Variants in EPB41L3 observed in about 807,000 individuals in gnomAD.
EPB41L3 encodes band 4.1-like protein 3.
In EPB41L3, 57 loss-of-function variants were observed where a neutral mutation model predicts 127.1. The ratio of observed to expected loss-of-function variants is 0.45; its 90% CI spans 0.36 to 0.56. EPB41L3 has a LOEUF of 0.56. EPB41L3 is among the 20% of genes least tolerant of loss of function. The probability of loss-of-function intolerance (pLI) is 0.00; values close to 1 mark genes in which losing one functional copy is unlikely to be tolerated. For missense variants in EPB41L3, 1,273 were observed against 1,372.2 expected (o/e 0.93, Z 1.14); for synonymous variants, 572 against 549.5 (o/e 1.04, Z -0.57).
At chr18:5,541,279 T>TAAAAAAAAA (rs2093723780) in intron 1 of EPB41L3, among the ~76,000 whole-genome samples, 1 of 73,822 alleles carries the variant, frequency 1.4e-5, no homozygotes, top group Non-Finnish European at 2.9e-5. Flanking sequence ...AAAAAAAAAG[T>TAAAAAAAAA]CTCTCTCTTC....
intron 1 of EPB41L3, among the ~76,000 whole-genome samples, chr18:5,532,349 T>C (rs2093438032): frequency 1.3e-5 from 2 of 152,182 alleles, no homozygotes; most frequent in South Asian, 2.1e-4. Flanking sequence ...GCCAGGTTCA[T>C]AACAAGCATT....
intron 1 of EPB41L3, among the ~76,000 whole-genome samples, chr18:5,503,193 TCTTAA>T (rs1215999638): frequency 5.3e-5 from 8 of 152,220 alleles, no homozygotes; most frequent in African/African-American, 9.6e-5. Flanking sequence ...CATTCTACTG[TCTTAA>T]CTTAGTTTTT....
intron 2 of EPB41L3, among the ~76,000 whole-genome samples, chr18:5,478,964 T>C (rs2087824445): frequency 3.9e-5 from 6 of 152,252 alleles, no homozygotes; most frequent in Admixed American, 3.9e-4. Context: ...TAGCTCTCAA[T>C]CAATTCAATG....
chr18:5,503,536 G>A (rs952528530), intron 1 of EPB41L3, among the ~76,000 whole-genome samples: 13 of 152,222 alleles, frequency 8.5e-5, no homozygotes, highest in Admixed American at 6.5e-4. Context: ...AGCCTGGAAT[G>A]AGAGTGGTGA....
intron 3 of EPB41L3, among the ~76,000 whole-genome samples, chr18:5,564,569 C>G (rs1215777080): frequency 6.6e-6 from 1 of 152,128 alleles, no homozygotes. Flanking sequence ...GAGAGGGGAT[C>G]AAGGCACAGG....
At chr18:5,577,245 A>C in intron 3 of EPB41L3, 1 of 325,480 alleles carries the variant, frequency 3.1e-6, no homozygotes, top group South Asian at 2.5e-5. Flanking sequence ...TTTTGTTTAA[A>C]TATGTATCCA....
At chr18:5,540,862 A>C (rs1456780603) in intron 1 of EPB41L3, among the ~76,000 whole-genome samples, 1 of 152,036 alleles carries the variant, frequency 6.6e-6, no homozygotes, top group Non-Finnish European at 1.5e-5. Flanking sequence ...AGACGGGTGG[A>C]TCACGAGGTC....
intron 3 of EPB41L3, among the ~76,000 whole-genome samples, chr18:5,468,974 G>A (rs896773239): frequency 6.6e-6 from 1 of 151,876 alleles, no homozygotes; most frequent in Non-Finnish European, 1.5e-5. Flanking sequence ...AAAACAAAAA[G>A]AGGAAAAAGA....
intron 6 of EPB41L3, among the ~76,000 whole-genome samples, chr18:5,437,366 AC>A (rs936141236): frequency 4.6e-5 from 7 of 152,184 alleles, no homozygotes; most frequent in African/African-American, 1.7e-4. Context: ...ACCTGCGGGC[AC>A]CCTGATCTCA....
chr18:5,505,960 A>G (rs1339009786), intron 1 of EPB41L3, among the ~76,000 whole-genome samples: 1 of 142,042 alleles, frequency 7.0e-6, no homozygotes, highest in East Asian at 2.1e-4. Flanking sequence ...CCATACCTTC[A>G]TCTCCACCCC....
rs141214996 is a variant in EPB41L3, at chr18:5,561,560, A to G, written c.-306+50780T>C. Among the ~76,000 whole-genome samples, 648 of 152,354 alleles carry G rather than the reference A, an allele frequency of 4.3e-3. 3 individuals are homozygous for G. The highest frequency in any genetic ancestry group is 0.01 in the Middle Eastern group (3 of 294). On this transcript the variant is annotated intron_variant, in intron 3 of 21. Transcript: ENST00000545076. ...GGAGGAAAAGAAACAACTCTTCCTT[A>G]TAGACTAATTCCAATTAATAGTTGT...
intron 11 of EPB41L3, among the ~76,000 whole-genome samples, chr18:5,422,649 T>G (rs956004628): frequency 7.2e-5 from 11 of 152,288 alleles, no homozygotes; most frequent in Admixed American, 2.0e-4. Context: ...GGGCACGCCT[T>G]GCAGCAGAAA....
chr18:5,446,230 A>G (rs2081456326), intron 3 of EPB41L3, among the ~76,000 whole-genome samples: 1 of 152,242 alleles, frequency 6.6e-6, no homozygotes, highest in African/African-American at 2.4e-5. Context: ...CTTATTAAAC[A>G]TAACAAAATA....
chr18:5,503,373 C>T (rs904610820), intron 1 of EPB41L3, among the ~76,000 whole-genome samples: 2 of 152,242 alleles, frequency 1.3e-5, no homozygotes, highest in African/African-American at 2.4e-5. Flanking sequence ...CAGGAGCATC[C>T]GGAGTGCCCG....
intron 3 of EPB41L3, among the ~76,000 whole-genome samples, chr18:5,561,204 C>T (rs920279725): frequency 1.2e-4 from 19 of 152,086 alleles, no homozygotes; most frequent in African/African-American, 4.6e-4. Context: ...GTCAAGATCT[C>T]CTGACCTCGT....
intron 1 of EPB41L3, among the ~76,000 whole-genome samples, chr18:5,495,162 CT>C (rs963488766): frequency 6.6e-6 from 1 of 152,152 alleles, no homozygotes; most frequent in Non-Finnish European, 1.5e-5. Flanking sequence ...AAAAAACAAG[CT>C]TTTTGGCCAT....
At chr18:5,575,152 T>C (rs2094324879) in intron 3 of EPB41L3, among the ~76,000 whole-genome samples, 1 of 152,194 alleles carries the variant, frequency 6.6e-6, no homozygotes, top group African/African-American at 2.4e-5. Flanking sequence ...TGTTCTTAGT[T>C]CCCTGTTTGT....
chr18:5,433,180 A>T (rs181737394), intron 8 of EPB41L3, among the ~76,000 whole-genome samples: 1 of 152,222 alleles, frequency 6.6e-6, no homozygotes, highest in Non-Finnish European at 1.5e-5. Context: ...ATGTCAAGGT[A>T]GGTTTCTAAC....
intron 2 of EPB41L3, among the ~76,000 whole-genome samples, chr18:5,482,077 A>G (rs1302757348): frequency 2.0e-5 from 3 of 152,244 alleles, no homozygotes; most frequent in African/African-American, 7.2e-5. Context: ...CTAAGAATTC[A>G]AAATAACAAT....
Sources: allele counts gnomAD v4.1 joint callset (sites outside exome capture counted in the v4.1 genomes callset), GRCh38; gene constraint gnomAD v4.1.1; transcripts MANE v1.5; gene names NCBI Gene and HGNC (gene_info 2026-07-23, HGNC 2026-07-21).